Variants in NRG3 observed in about 807,000 individuals in gnomAD.
NRG3 encodes the protein pro-neuregulin-3, membrane-bound isoform.
Under a neutral mutation model 66.9 loss-of-function variants are expected in NRG3, and 31 were observed. That is an observed-to-expected ratio of 0.46 (90% confidence interval 0.35 to 0.63). The LOEUF is 0.63. Among genes scored for constraint, NRG3 ranks in the 20% least tolerant of loss-of-function variants. The probability of loss-of-function intolerance (pLI) is 0.00; values close to 1 mark genes in which losing one functional copy is unlikely to be tolerated. For missense variants in NRG3, 910 were observed against 878.9 expected (o/e 1.04, Z -0.45); for synonymous variants, 393 against 359.4 (o/e 1.09, Z -1.06).
At chr10:82,825,394 G>A (rs1224025454) in intron 3 of NRG3, among the ~76,000 whole-genome samples, 1 of 152,070 alleles carries the variant, frequency 6.6e-6, no homozygotes, top group African/African-American at 2.4e-5. Context: ...TTGCTCCCAA[G>A]TACACTACCC....
chr10:82,917,387 C>T (rs890166942), intron 4 of NRG3, among the ~76,000 whole-genome samples: 10 of 152,130 alleles, frequency 6.6e-5, no homozygotes, highest in South Asian at 2.1e-4. Flanking sequence ...AAAATAAAAG[C>T]GACAGTCCAA....
intron 2 of NRG3, among the ~76,000 whole-genome samples, chr10:82,727,825 G>T (rs143998596): frequency 0.01 from 1,563 of 152,274 alleles, 12 homozygotes; most frequent in Admixed American, 0.014. Flanking sequence ...ACAGCTGGGA[G>T]GGATGCTGTA....
intron 2 of NRG3, among the ~76,000 whole-genome samples, chr10:82,489,843 G>A (rs776085704): frequency 6.6e-6 from 1 of 152,102 alleles, no homozygotes; most frequent in Non-Finnish European, 1.5e-5. Flanking sequence ...AAAAGTTTTT[G>A]GATCAACATT....
At chr10:82,817,388 TC>T (rs1565347256) in intron 3 of NRG3, among the ~76,000 whole-genome samples, 1 of 152,226 alleles carries the variant, frequency 6.6e-6, no homozygotes, top group Non-Finnish European at 1.5e-5. Context: ...GTAGATTTTT[TC>T]TATATTTTAA....
intron 6 of NRG3, among the ~76,000 whole-genome samples, chr10:82,964,429 A>G (rs1301132017): frequency 6.6e-6 from 1 of 152,146 alleles, no homozygotes. Context: ...TTTGCTGGGG[A>G]GGAGGTGGCG....
chr10:82,821,336 A>T (rs2061945045), intron 3 of NRG3, among the ~76,000 whole-genome samples: 1 of 152,140 alleles, frequency 6.6e-6, no homozygotes, highest in East Asian at 1.9e-4. Context: ...GGGCCTTTTT[A>T]CAGCTGATTT....
At chr10:82,047,748 C>T (rs1027354661) in intron 1 of NRG3, among the ~76,000 whole-genome samples, 1 of 151,096 alleles carries the variant, frequency 6.6e-6, no homozygotes, top group African/African-American at 2.4e-5. Flanking sequence ...TCACACATAA[C>T]AATATTAACT....
At chr10:82,726,430 G>A (rs903701) in intron 2 of NRG3, among the ~76,000 whole-genome samples, 83,394 of 151,892 alleles carry the variant, frequency 0.55, 23,554 homozygotes, top group East Asian at 0.69. Context: ...AGTCTTTCCC[G>A]TGCGGTTCTC....
intron 3 of NRG3, among the ~76,000 whole-genome samples, chr10:82,851,494 A>C (rs1223150784): frequency 6.6e-6 from 1 of 152,158 alleles, no homozygotes; most frequent in Non-Finnish European, 1.5e-5. Flanking sequence ...TCACCTAGAA[A>C]ATCTTTAGTG....
chr10:82,047,757 C>G (rs576642997), intron 1 of NRG3, among the ~76,000 whole-genome samples: 2 of 151,568 alleles, frequency 1.3e-5, no homozygotes, highest in Non-Finnish European at 2.9e-5. Flanking sequence ...ACAATATTAA[C>G]TTTAAATGTA....
chr10:81,954,632 T>A (rs751657659), intron 1 of NRG3, among the ~76,000 whole-genome samples: 1 of 151,812 alleles, frequency 6.6e-6, no homozygotes, highest in Non-Finnish European at 1.5e-5. Flanking sequence ...AAATGATCAT[T>A]GTGTACACCC....
chr10:82,658,132 A>C (rs1471061069), intron 2 of NRG3, among the ~76,000 whole-genome samples: 1 of 152,178 alleles, frequency 6.6e-6, no homozygotes, highest in Non-Finnish European at 1.5e-5. Flanking sequence ...CCATGAACAT[A>C]AATTCAAAAG....
chr10:82,228,052 A>G (rs1589389263), intron 1 of NRG3, among the ~76,000 whole-genome samples: 1 of 152,318 alleles, frequency 6.6e-6, no homozygotes, highest in East Asian at 1.9e-4. Context: ...CCCTACTTGT[A>G]TATTCAGATG....
chr10:82,290,314 T>C (rs1197841227), intron 1 of NRG3, among the ~76,000 whole-genome samples: 1 of 152,246 alleles, frequency 6.6e-6, no homozygotes, highest in African/African-American at 2.4e-5. Flanking sequence ...AACAGTTTAT[T>C]TGTTCAGTGC....
chr10:82,671,397 G>A (rs1416108680), intron 2 of NRG3, among the ~76,000 whole-genome samples: 1 of 152,180 alleles, frequency 6.6e-6, no homozygotes, highest in African/African-American at 2.4e-5. Context: ...TTCAGAAACT[G>A]GCTAAAGCAA....
chr10:82,039,593 C>A (rs2062940485), intron 1 of NRG3, among the ~76,000 whole-genome samples: 1 of 152,082 alleles, frequency 6.6e-6, no homozygotes, highest in Admixed American at 6.6e-5. Flanking sequence ...ATTTGAGAAC[C>A]CAAGGTCTTA....
intron 2 of NRG3, among the ~76,000 whole-genome samples, chr10:82,639,052 A>T (rs1260127594): frequency 6.6e-6 from 1 of 152,214 alleles, no homozygotes; most frequent in Non-Finnish European, 1.5e-5. Flanking sequence ...ATGTGAAAAG[A>T]TCAAATTGAA....
intron 1 of NRG3, among the ~76,000 whole-genome samples, chr10:81,990,155 G>T (rs1481392388): frequency 2.0e-5 from 3 of 152,110 alleles, no homozygotes; most frequent in African/African-American, 7.2e-5. Flanking sequence ...AGATCTCAAT[G>T]TTCTCATCTG....
chr10:82,488,524 A>C (rs957504297), intron 2 of NRG3, among the ~76,000 whole-genome samples: 1 of 152,208 alleles, frequency 6.6e-6, no homozygotes, highest in Non-Finnish European at 1.5e-5. Context: ...TTAATTGCAA[A>C]GTATGCTAAG....
Sources: gnomAD v4.1 joint callset for allele counts (sites outside exome capture counted in the v4.1 genomes callset) on GRCh38, gnomAD v4.1.1 for gene constraint, MANE v1.5 for transcripts, NCBI Gene and HGNC (gene_info 2026-07-23, HGNC 2026-07-21) for gene names.